CLYBL: variants seen among roughly 807,000 people sequenced by gnomAD.
CLYBL encodes citramalyl-CoA lyase, mitochondrial.
Under a neutral mutation model 38.9 loss-of-function variants are expected in CLYBL, and 31 were observed. The observed-to-expected ratio is 0.80, with a 90% CI of 0.60 to 1.08. CLYBL has a LOEUF of 1.08. Ranked by LOEUF, CLYBL falls within the 50% of genes least tolerant of loss-of-function variation. CLYBL has a pLI of 0.00. For synonymous variants in CLYBL, 171 were observed against 158.6 expected (o/e 1.08, Z -0.59); for missense variants, 434 against 411.6 (o/e 1.05, Z -0.47).
At position 99,828,959 on chromosome 13, in the gene CLYBL, C is replaced by T. The variant is rs142347624; in HGVS notation, c.250-29902C>T. On this transcript the variant is annotated intron_variant, in intron 2 of 8. Transcript: ENST00000339105. ...CTAGATTGGCAGGGATTCCTCGTGA[C>T]GGAAGACAGGGCTATGAACCCACGG... Among the ~76,000 whole-genome samples, 166 of 152,234 alleles carry T rather than the reference C, an allele frequency of 1.1e-3. No homozygotes were observed. The South Asian group carries it at 0.013, about 12-fold the overall frequency.
chr13:99,840,921 A>G (rs1354150283), intron 2 of CLYBL, among the ~76,000 whole-genome samples: 1 of 152,116 alleles, frequency 6.6e-6, no homozygotes, highest in Non-Finnish European at 1.5e-5. Flanking sequence ...CCAGATTTAC[A>G]TCCTTTTAAA....
intron 1 of CLYBL, among the ~76,000 whole-genome samples, chr13:99,610,369 T>C (rs1487040393): frequency 2.0e-5 from 3 of 152,222 alleles, no homozygotes; most frequent in Non-Finnish European, 4.4e-5. Context: ...TCTTGTATAT[T>C]TTTTTGAAAA....
chr13:99,666,243 T>G (rs1594109046), intron 1 of CLYBL, among the ~76,000 whole-genome samples: 1 of 151,422 alleles, frequency 6.6e-6, no homozygotes, highest in Non-Finnish European at 1.5e-5. Context: ...TGCAGGGAGG[T>G]GGAGGTGAAC....
intron 7 of CLYBL, among the ~76,000 whole-genome samples, chr13:99,878,095 A>T (rs997641346): frequency 2.0e-5 from 3 of 152,190 alleles, no homozygotes; most frequent in Admixed American, 6.5e-5. Flanking sequence ...TTTAGTAAAC[A>T]TTATTTAGCT....
chr13:99,855,659 ACT>A (rs3033552), intron 2 of CLYBL, among the ~76,000 whole-genome samples: 21,363 of 151,926 alleles, frequency 0.14, 1,765 homozygotes, highest in Middle Eastern at 0.2. Context: ...GTGGACTGTG[ACT>A]CTCTCGAACT....
intron 2 of CLYBL, among the ~76,000 whole-genome samples, chr13:99,841,242 G>C (rs969779882): frequency 6.6e-6 from 1 of 152,090 alleles, no homozygotes; most frequent in African/African-American, 2.4e-5. Flanking sequence ...GTAGACTCTA[G>C]ATCTTTAAGA....
chr13:99,894,989 C>T (rs1030319362), downstream of CLYBL: 1 of 152,218 alleles, frequency 6.6e-6, no homozygotes, highest in African/African-American at 2.4e-5. Context: ...TCCTCTCCTC[C>T]AGGGACGGCT....
At chr13:99,760,035 T>C (rs1345518290) in intron 1 of CLYBL, among the ~76,000 whole-genome samples, 2 of 152,244 alleles carry the variant, frequency 1.3e-5, no homozygotes, top group Admixed American at 1.3e-4. Flanking sequence ...ATCTAGGTTA[T>C]TCAGATTTTC....
chr13:99,881,193 GA>G (rs368225263), intron 7 of CLYBL, among the ~76,000 whole-genome samples: 48 of 152,298 alleles, frequency 3.2e-4, no homozygotes, highest in African/African-American at 1.1e-3. Flanking sequence ...AGCACAATGT[GA>G]ATTGGTGTCT....
intron 1 of CLYBL, among the ~76,000 whole-genome samples, chr13:99,675,302 A>C (rs1330475844): frequency 2.0e-5 from 3 of 152,224 alleles, no homozygotes; most frequent in African/African-American, 7.2e-5. Flanking sequence ...TCTACCTTAT[A>C]TATGTATGCC....
rs1005624873 is a variant in CLYBL at position 99,614,217 on chromosome 13, A to G, written c.62+7460A>G. Among the ~76,000 whole-genome samples the G allele has an allele frequency of 4.6e-5, 7 of 152,198 alleles. No individual in the cohort carries two copies. The East Asian group carries it at 1.3e-3, about 29-fold the overall frequency. On this transcript the variant is annotated intron_variant, in intron 1 of 8. Transcript: ENST00000339105. ...GACCAGTGGTCCAAGATGGTAGACC[A>G]CAGGTTCAAGAACTGGAGCAAGAGT...
intron 2 of CLYBL, among the ~76,000 whole-genome samples, chr13:99,824,257 G>GCCTCCCCCCCCCCCCCC (rs2050646417): frequency 7.7e-6 from 1 of 130,412 alleles, no homozygotes; most frequent in African/African-American, 2.9e-5. Flanking sequence ...CTGACTAATA[G>GCCTCCCCCCCCCCCCCC]CCCCCCCCAC....
intron 7 of CLYBL, among the ~76,000 whole-genome samples, chr13:99,875,027 T>C (rs1037203522): frequency 6.6e-6 from 1 of 152,256 alleles, no homozygotes; most frequent in Non-Finnish European, 1.5e-5. Context: ...CTTTGATTCA[T>C]ATCATGGCTG....
At chr13:99,712,421 G>A (rs2048249528) in intron 1 of CLYBL, among the ~76,000 whole-genome samples, 1 of 142,770 alleles carries the variant, frequency 7.0e-6, no homozygotes, top group South Asian at 2.2e-4. Flanking sequence ...TGTGACCTCT[G>A]CCTCCTGGGC....
intron 1 of CLYBL, among the ~76,000 whole-genome samples, chr13:99,721,651 A>T (rs1471930682): frequency 8.6e-6 from 1 of 115,980 alleles, no homozygotes; most frequent in Admixed American, 1.2e-4. Flanking sequence ...TTTATTTTCA[A>T]TCGTGTCCTA....
chr13:99,857,446 C>T (rs981630650), intron 2 of CLYBL, among the ~76,000 whole-genome samples: 6 of 152,226 alleles, frequency 3.9e-5, no homozygotes, highest in African/African-American at 1.4e-4. Context: ...GCTGCATCAT[C>T]TCTGACTTTA....
intron 1 of CLYBL, among the ~76,000 whole-genome samples, chr13:99,707,510 G>A (rs2048164485): frequency 6.6e-6 from 1 of 152,154 alleles, no homozygotes; most frequent in African/African-American, 2.4e-5. Flanking sequence ...CTGACCTCGT[G>A]ATCTGCCCCC....
At chr13:99,841,558 C>T (rs879880967) in intron 2 of CLYBL, among the ~76,000 whole-genome samples, 3 of 151,994 alleles carry the variant, frequency 2.0e-5, no homozygotes, top group Non-Finnish European at 4.4e-5. Flanking sequence ...TGCCACCACG[C>T]CTGGCTAATT....
At chr13:99,643,329 A>G (rs2047124294) in intron 1 of CLYBL, among the ~76,000 whole-genome samples, 1 of 152,178 alleles carries the variant, frequency 6.6e-6, no homozygotes, top group Admixed American at 6.5e-5. Flanking sequence ...TTTCTGATTT[A>G]CAGATCTTCA....
Sources: allele counts gnomAD v4.1 joint callset (sites outside exome capture counted in the v4.1 genomes callset), GRCh38; gene constraint gnomAD v4.1.1; transcripts MANE v1.5; gene names NCBI Gene and HGNC (gene_info 2026-07-23, HGNC 2026-07-21).